Variants in MYO1B observed in about 807,000 individuals in gnomAD.
MYO1B encodes the protein myosin IB, also known as unconventional myosin-Ib.
Under a neutral mutation model 159.7 loss-of-function variants are expected in MYO1B, and 72 were observed. The ratio of observed to expected loss-of-function variants is 0.45; its 90% CI spans 0.37 to 0.55. The LOEUF is 0.55. MYO1B is among the 20% of genes least tolerant of loss of function. MYO1B has a pLI of 0.00. For missense variants in MYO1B, 1,062 were observed against 1,364.8 expected (o/e 0.78, Z 3.50); for synonymous variants, 468 against 473.8 (o/e 0.99, Z 0.16).
chr2:191,307,360 G>C (rs1349438664), intron 3 of MYO1B, among the ~76,000 whole-genome samples: 2 of 152,112 alleles, frequency 1.3e-5, no homozygotes, highest in Non-Finnish European at 1.5e-5. Context: ...TGAGCAGTGA[G>C]GGTGACCAGA....
At chr2:191,288,236 C>T (rs570937421) in intron 2 of MYO1B, among the ~76,000 whole-genome samples, 37 of 66,708 alleles carry the variant, frequency 5.5e-4, no homozygotes, top group South Asian at 1.7e-3. Context: ...AAGAAGATAG[C>T]TTAGCTTAAA....
At chr2:191,396,244 A>G (rs10171932) in intron 20 of MYO1B, among the ~76,000 whole-genome samples, 185 bp from the exon 21 acceptor site, 1,560 of 152,318 alleles carry the variant, frequency 0.01, 36 homozygotes, top group African/African-American at 0.035. Context: ...TCCTTAAAGC[A>G]TACTTTGGAT....
chr2:191,300,163 TG>T (rs1270781460), intron 3 of MYO1B, among the ~76,000 whole-genome samples: 1 of 152,170 alleles, frequency 6.6e-6, no homozygotes, highest in East Asian at 1.9e-4. Context: ...TCAAACAGGA[TG>T]TTTGTGATGT....
chr2:191,260,628 CT>C (rs1298171298), intron 1 of MYO1B, among the ~76,000 whole-genome samples: 1 of 152,032 alleles, frequency 6.6e-6, no homozygotes, highest in East Asian at 1.9e-4. Context: ...GGAGCCTTTG[CT>C]TTTTTCAAGA....
chr2:191,265,043 C>G (rs755198375), intron 1 of MYO1B, among the ~76,000 whole-genome samples: 1 of 152,000 alleles, frequency 6.6e-6, no homozygotes, highest in Non-Finnish European at 1.5e-5. Context: ...GTCGTTGTAA[C>G]CTATGATCTG....
At chr2:191,284,986 C>A (rs1401904291) in intron 2 of MYO1B, among the ~76,000 whole-genome samples, 2 of 152,188 alleles carry the variant, frequency 1.3e-5, no homozygotes, top group Middle Eastern at 3.2e-3. Context: ...CCTTCCCTGC[C>A]TACTTCTTTC....
At chr2:191,345,733 C>T (rs536850603) in intron 5 of MYO1B, among the ~76,000 whole-genome samples, 1 of 152,206 alleles carries the variant, frequency 6.6e-6, no homozygotes, top group South Asian at 2.1e-4. Flanking sequence ...TCCTGTATTC[C>T]AGAGCTATAT....
intron 21 of MYO1B, among the ~76,000 whole-genome samples, chr2:191,400,176 C>G (rs1419348096): frequency 1.3e-5 from 2 of 152,092 alleles, no homozygotes; most frequent in African/African-American, 2.4e-5. Flanking sequence ...CTGTTCCAAT[C>G]AAGTGGAAAC....
intron 14 of MYO1B, 27 bp from the exon 15 acceptor site, chr2:191,383,253 T>A (rs749277686): frequency 8.1e-6 from 12 of 1,478,032 alleles, no homozygotes; most frequent in Non-Finnish European, 1.1e-5. Flanking sequence ...CTTGTGTCAT[T>A]GGATTTTGTT....
intron 12 of MYO1B, 83 bp from the exon 13 acceptor site, chr2:191,370,144 G>GT (rs1694266545): frequency 9.3e-6 from 8 of 861,998 alleles, no homozygotes; most frequent in Admixed American, 2.4e-5. Flanking sequence ...TAATTAATTT[G>GT]TAATATATAT....
At chr2:191,346,874 A>G (rs1692603463) in intron 6 of MYO1B, among the ~76,000 whole-genome samples, 1 of 152,040 alleles carries the variant, frequency 6.6e-6, no homozygotes, top group Admixed American at 6.5e-5. Context: ...CTCATCCCCC[A>G]CTACTCCCTG....
chr2:191,388,622 A>G (rs1042477604), intron 17 of MYO1B, among the ~76,000 whole-genome samples: 4 of 152,106 alleles, frequency 2.6e-5, no homozygotes, highest in Admixed American at 6.6e-5. Flanking sequence ...ATTAGAACAT[A>G]TGTTGGAGAG....
intron 3 of MYO1B, among the ~76,000 whole-genome samples, chr2:191,304,175 C>T (rs1343907477): frequency 1.3e-5 from 2 of 152,196 alleles, no homozygotes; most frequent in Non-Finnish European, 2.9e-5. Context: ...CTCTGGGCGT[C>T]GCACCTAATT....
At chr2:191,354,988 T>G (rs543996712) in intron 7 of MYO1B, among the ~76,000 whole-genome samples, 2 of 152,360 alleles carry the variant, frequency 1.3e-5, no homozygotes, top group African/African-American at 4.8e-5. Flanking sequence ...CTCTCATTGA[T>G]TCAAAGCTTG....
At chr2:191,296,665 A>G (rs955661106) in intron 3 of MYO1B, among the ~76,000 whole-genome samples, 1 of 152,200 alleles carries the variant, frequency 6.6e-6, no homozygotes, top group African/African-American at 2.4e-5. Flanking sequence ...TTTTGCAGAC[A>G]ATGTTCACCA....
intron 2 of MYO1B, among the ~76,000 whole-genome samples, chr2:191,278,024 A>G (rs190939440): frequency 2.6e-5 from 4 of 152,262 alleles, no homozygotes; most frequent in Admixed American, 2.6e-4. Context: ...GTAAAATTAT[A>G]TGCAAATTAT....
intron 1 of MYO1B, among the ~76,000 whole-genome samples, chr2:191,247,127 A>G (rs956354421): frequency 6.6e-6 from 1 of 152,092 alleles, no homozygotes; most frequent in Non-Finnish European, 1.5e-5. Context: ...CCAGGCATTC[A>G]TGGTTTGTGC....
At chr2:191,330,538 A>G (rs1691405020) in intron 4 of MYO1B, among the ~76,000 whole-genome samples, 1 of 152,298 alleles carries the variant, frequency 6.6e-6, no homozygotes, top group Admixed American at 6.5e-5. Context: ...AAACCCTCCA[A>G]ATGGAAGGGT....
At chr2:191,339,430 C>T (rs969825967) in intron 4 of MYO1B, among the ~76,000 whole-genome samples, 4 of 152,078 alleles carry the variant, frequency 2.6e-5, no homozygotes, top group African/African-American at 9.7e-5. Flanking sequence ...TCTAGATAAA[C>T]CATGAGAATA....
Sources: gnomAD v4.1 joint callset for allele counts (sites outside exome capture counted in the v4.1 genomes callset) on GRCh38, gnomAD v4.1.1 for gene constraint, MANE v1.5 for transcripts, NCBI Gene and HGNC (gene_info 2026-07-23, HGNC 2026-07-21) for gene names.